Variants in PRAMEF2 observed in about 807,000 individuals in gnomAD.
PRAMEF2 encodes PRAME family member 2.
A neutral mutation model predicts 38.0 loss-of-function variants in PRAMEF2; 35 were observed. The ratio of observed to expected loss-of-function variants is 0.92; its 90% CI spans 0.70 to 1.22. The LOEUF (loss-of-function observed/expected upper bound fraction) is 1.22, where lower values mean the gene tolerates loss of function less well. Ranked by LOEUF, PRAMEF2 falls within the 50% of genes most tolerant of loss-of-function variation. The probability of loss-of-function intolerance (pLI) is 0.00; values close to 1 mark genes in which losing one functional copy is unlikely to be tolerated. For missense variants in PRAMEF2, 562 were observed against 553.9 expected (o/e 1.01, Z -0.15); for synonymous variants, 240 against 232.4 (o/e 1.03, Z -0.30).
At chr1:12,859,331 C>G (rs200051529) in intron 2 of PRAMEF2, 35 bp downstream of exon 2, 1 of 1,594,228 alleles carries the variant, frequency 6.3e-7, no homozygotes, top group Non-Finnish European at 8.6e-7. Context: ...AGATAGGGCT[C>G]AGGTGTCCAG....
intron 1 of PRAMEF2, among the ~76,000 whole-genome samples, chr1:12,857,812 C>T (rs1010612529): frequency 6.9e-6 from 1 of 145,754 alleles, no homozygotes; most frequent in Non-Finnish European, 1.5e-5. Flanking sequence ...GATTCTCCTG[C>T]TTCAGCCTCC....
At position 12,861,397 on chromosome 1, in the gene PRAMEF2, C is replaced by A. The variant is rs150748226; in HGVS notation, c.1043C>A (p.Ala348Asp). ...EPLGALLEKIAASLETLVLEG... is the reference protein window; with the variant it reads ...EPLGALLEKIDASLETLVLEG... ...CTAGGAGCTCTGCTAGAGAAAATTG[C>A]TGCCTCTCTCGAGACCCTCGTGTTA... is the stretch of plus-strand genomic sequence containing the variant. The change falls in exon 4 of 4, where the codon GCT becomes GAT. Residue 348 changes from alanine (A) to aspartate (D), a missense_variant. By Grantham distance (126) the Ala-to-Asp change is moderately radical (BLOSUM62 -2). Coordinates refer to ENST00000240189, the MANE Select transcript of PRAMEF2 (RefSeq NM_023014.1). 1 of 1,603,318 alleles carries A rather than the reference C, an allele frequency of 6.2e-7. No homozygotes were observed. Among genetic ancestry groups the A allele is most frequent in the Non-Finnish European group, 8.5e-7 (1 of 1,174,590 alleles).
At chr1:12,858,836 T>C (rs1210265388) in intron 1 of PRAMEF2, 149 bp from the exon 2 acceptor site, 1 of 901,490 alleles carries the variant, frequency 1.1e-6, no homozygotes, top group Non-Finnish European at 1.7e-6. Flanking sequence ...GAAGCAGAAG[T>C]ATAGATTTGA....
intron 3 of PRAMEF2, 138 bp downstream of exon 3, chr1:12,860,409 T>A (rs1329691447): frequency 6.7e-7 from 1 of 1,499,410 alleles, no homozygotes; most frequent in Non-Finnish European, 9.0e-7. Flanking sequence ...CAACACATTG[T>A]CCCATTCAGT....
intron 1 of PRAMEF2, 107 bp downstream of exon 1, chr1:12,857,254 G>C (rs1183438204): frequency 6.7e-6 from 1 of 149,094 alleles, no homozygotes; most frequent in East Asian, 2.0e-4. Flanking sequence ...TGTCTGTTTT[G>C]TGAGATGAAC....
At position 12,861,257 on chromosome 1, in the gene PRAMEF2, T is replaced by C. The variant is rs141454294; in HGVS notation, c.903T>C (p.Thr301=). The change falls in exon 4 of 4, where the codon ACT becomes ACC. Residue 301 remains threonine (T), a synonymous_variant. Coordinates refer to ENST00000240189, the MANE Select transcript of PRAMEF2 (RefSeq NM_023014.1). ...ACCCCTTGGAGAACTTGGAATTAAC[T>C]TGTGGCAACCTATTAGAAGAGGACT... The part of the protein sequence containing the change: ...LQNPLENLEL[T]CGNLLEEDLK... 34 of 1,607,846 alleles carry C rather than the reference T, an allele frequency of 2.1e-5. 1 individual carries two copies. Among genetic ancestry groups the C allele is most frequent in the East Asian group, 1.3e-4 (6 of 44,766 alleles).
chr1:12,859,822 A>T lies in PRAMEF2; in HGVS notation c.417A>T (p.Pro139=), dbSNP rs374841409. The T allele has an allele frequency of 1.0e-5, 16 of 1,607,496 alleles. No individual in the cohort carries two copies. The highest frequency in any genetic ancestry group is 1.4e-5 in the Non-Finnish European group (16 of 1,177,938). ...AGAGGCAGACAGCAGAGGACTGTCC[A>T]AGGACGGGAGAGCACCAGCCCTTAA... ...MSKRQTAEDC[P]RTGEHQPLKV... The change falls in exon 3 of 4, where the codon CCA becomes CCT. Residue 139 remains proline (P), a synonymous_variant. Coordinates refer to ENST00000240189, the MANE Select transcript of PRAMEF2 (RefSeq NM_023014.1).
At position 12,861,642 on chromosome 1, in the gene PRAMEF2, T is replaced by C. The variant is rs377335848; in HGVS notation, c.1288T>C (p.Phe430Leu). The C allele has an allele frequency of 1.1e-4, 172 of 1,600,238 alleles. 9 individuals are homozygous for C. Among genetic ancestry groups the C allele is most frequent in the Non-Finnish European group, 1.4e-4 (166 of 1,174,186 alleles). The change falls in exon 4 of 4, where the codon TTC becomes CTC. Residue 430 changes from phenylalanine (F) to leucine (L), a missense_variant. Physicochemically the swap from Phe to Leu is conservative, Grantham distance 22. This residue lies in a region of PRAMEF2 where 76 missense variants were observed against 109.6 expected (regional missense o/e 0.69). Transcript: ENST00000240189. ...CTTGGTTCGTGTCAATTGGGAGATCTTCACCCCACTTCGGGCTGAGCTGAT... is the reference window on the plus strand; with the variant it reads ...CTTGGTTCGTGTCAATTGGGAGATCCTCACCCCACTTCGGGCTGAGCTGAT... Reference protein sequence around the residue: ...NSLVRVNWEIFTPLRAELMCT... With the variant: ...NSLVRVNWEILTPLRAELMCT...
chr1:12,859,517 G>C lies in PRAMEF2; in HGVS notation c.288-176G>C, dbSNP rs1414099230. ...GAAGCCGGCCTTTACTCAGTGGAAGGTAAAGGGAATAGAAGTGGGGACCAC... is the reference window on the plus strand; with the variant it reads ...GAAGCCGGCCTTTACTCAGTGGAAGCTAAAGGGAATAGAAGTGGGGACCAC... On this transcript the variant is annotated intron_variant, in intron 2 of 3. Transcript: ENST00000240189. Among the ~76,000 whole-genome samples, 7 of 151,164 alleles carry C rather than the reference G, an allele frequency of 4.6e-5. 1 individual carries two copies. The highest frequency in any genetic ancestry group is 1.3e-4 in the Admixed American group (2 of 14,824).
chr1:12,860,391 C>A lies in PRAMEF2; in HGVS notation c.866+120C>A. 4 of 1,519,290 alleles carry A rather than the reference C, an allele frequency of 2.6e-6. 1 individual carries two copies. The highest frequency in any genetic ancestry group is 3.6e-6 in the Non-Finnish European group (4 of 1,121,780). The allele number at this position is 1,519,290 out of a possible 1,614,324, so 94.1% of individuals were successfully genotyped here. The stretch of plus-strand genomic sequence containing the variant: ...GGCAACGTCACAGTGAAGGGAACAC[C>A]AGAATGTCAACACATTGTCCCATTC... On this transcript the variant is annotated intron_variant, in intron 3 of 3. Coordinates refer to ENST00000240189, the MANE Select transcript of PRAMEF2 (RefSeq NM_023014.1).
At position 12,859,268 on chromosome 1, in the gene PRAMEF2, A is replaced by G; in HGVS notation, c.259A>G (p.Met87Val). ...PLKALLEGLH[M>V]LLTQKDRPRR... is the part of the protein sequence containing the mutation. ...GAAAGCATTGCTGGAAGGGCTTCAT[A>G]TGCTGCTTACACAGAAGGATCGCCC... The change falls in exon 2 of 4, where the codon ATG becomes GTG. Residue 87 changes from methionine to valine, a missense_variant. Transcript: ENST00000240189. The G allele has an allele frequency of 6.2e-7, 1 of 1,610,336 alleles. No homozygotes were observed.
At position 12,861,469 on chromosome 1, in the gene PRAMEF2, G is replaced by T. The variant is rs397839875; in HGVS notation, c.1115G>T (p.Gly372Val). 6 of 1,605,720 alleles carry T rather than the reference G, an allele frequency of 3.7e-6. No homozygotes were observed. The East Asian group carries it at 1.3e-4, about 36-fold the overall frequency. The change falls in exon 4 of 4, where the codon GGC (glycine) becomes GTC (valine). Residue 372 changes from glycine to valine, a missense_variant. Transcript: ENST00000240189. The part of the protein sequence containing the change: ...HYSQLSAILP[G>V]LSCCSQLTTF... ...TCCCAACTCAGTGCCATCCTGCCTGGCCTGAGCTGCTGCTCCCAGCTCACC... is the reference window on the plus strand; with the variant it reads ...TCCCAACTCAGTGCCATCCTGCCTGTCCTGAGCTGCTGCTCCCAGCTCACC...
chr1:12,861,641 C>G lies in PRAMEF2; in HGVS notation c.1287C>G (p.Ile429Met), dbSNP rs761456993. 2 of 1,600,332 alleles carry G rather than the reference C, an allele frequency of 1.2e-6. No homozygotes were observed. Among genetic ancestry groups the G allele is most frequent in the Non-Finnish European group, 1.7e-6 (2 of 1,174,246 alleles). ...LNSLVRVNWE[I>M]FTPLRAELMC... ...CCTTGGTTCGTGTCAATTGGGAGAT[C>G]TTCACCCCACTTCGGGCTGAGCTGA... is the stretch of plus-strand genomic sequence containing the variant. Residue 429 changes from isoleucine to methionine, a missense_variant, in exon 4 of 4, where the codon ATC (isoleucine) becomes ATG (methionine). Around this residue, in one of 2 missense-constraint regions of PRAMEF2, gnomAD observed 76 missense variants for 109.6 expected, o/e 0.69. Transcript: ENST00000240189.
In PRAMEF2 at chr1:12,860,159, G is replaced by C. The variant is rs3204808; in HGVS notation, c.754G>C (p.Glu252Gln). Reference sequence around the variant, plus strand: ...TCATTACACGTCAGATAATGAACTCGAGGGATGGTTAGTCACCAGATTCAC... The same window carrying C: ...TCATTACACGTCAGATAATGAACTCCAGGGATGGTTAGTCACCAGATTCAC... ...CHHYTSDNEL[E>Q]GWLVTRFTSV... is the part of the protein sequence containing the mutation. Residue 252 changes from glutamate (E) to glutamine (Q), a missense_variant, in exon 3 of 4, where the codon GAG (glutamate) becomes CAG (glutamine). Transcript: ENST00000240189. The C allele has an allele frequency of 8.8e-5, 142 of 1,606,818 alleles. 9 individuals carry two copies. Among genetic ancestry groups the C allele is most frequent in the Middle Eastern group, 6.6e-4 (4 of 6,048 alleles).
Position 12,860,126 on chromosome 1 carries a change from A to G in PRAMEF2, c.721A>G (p.Arg241Gly). The part of the protein sequence containing the change: ...MKTLCKLVFS[R>G]CHHYTSDNEL... ...GACTCTTTGCAAACTCGTTTTCTCCAGGTGCCATCATTACACGTCAGATAA... is the reference window on the plus strand; with the variant it reads ...GACTCTTTGCAAACTCGTTTTCTCCGGGTGCCATCATTACACGTCAGATAA... Residue 241 changes from arginine (R) to glycine (G), a missense_variant, in exon 3 of 4, where the codon AGG (arginine) becomes GGG (glycine). By Grantham distance (125) the Arg-to-Gly change is moderately radical. Transcript: ENST00000240189. The G allele has an allele frequency of 6.2e-7, 1 of 1,606,804 alleles. No individual in the cohort carries two copies. Among genetic ancestry groups the G allele is most frequent in the Non-Finnish European group, 8.5e-7 (1 of 1,176,514 alleles).
intron 2 of PRAMEF2, 88 bp downstream of exon 2, chr1:12,859,384 G>A (rs771952293): frequency 6.3e-7 from 1 of 1,594,064 alleles, no homozygotes; most frequent in Non-Finnish European, 8.5e-7. Flanking sequence ...CCCAAGTGCG[G>A]CCCAGAGTCT....
chr1:12,860,210 C>T lies in PRAMEF2; in HGVS notation c.805C>T (p.Leu269Phe), dbSNP rs1274009868. 1.2e-6 allele frequency: 2 copies of T among 1,606,842 alleles called. No individual in the cohort carries two copies. The highest frequency in any genetic ancestry group is 2.7e-5 in the African/African-American group (2 of 74,260). Residue 269 changes from leucine to phenylalanine, a missense_variant, in exon 3 of 4, where the codon CTC (leucine) becomes TTC (phenylalanine). Physicochemically the swap from Leu to Phe is conservative, Grantham distance 22. This residue lies in a region of PRAMEF2 where 486 missense variants were observed against 444.2 expected (regional missense o/e 1.09). Transcript: ENST00000240189. ...CTCTGTGTTCCTCAGGCTGGAACAC[C>T]TCCAGTTGCTTAAAATAAAATTGAT... ...FTSVFLRLEH[L>F]QLLKIKLITF... is the part of the protein sequence containing the mutation.
In PRAMEF2 at chr1:12,859,000, A is replaced by G; in HGVS notation, c.-10A>G. 1 of 1,597,260 alleles carries G rather than the reference A, an allele frequency of 6.3e-7. No individual in the cohort carries two copies. The highest frequency in any genetic ancestry group is 2.2e-5 in the East Asian group (1 of 44,684). ...TGTCTTCTAGAGATTTTTCTTGCAG[A>G]TCCATCAGGATGAGCATCCAGGCCC... On this transcript the variant is annotated 5_prime_UTR_variant, in exon 2 of 4. Coordinates refer to ENST00000240189, the MANE Select transcript of PRAMEF2 (RefSeq NM_023014.1).
At chr1:12,860,779 A>T (rs1640534473) in intron 3 of PRAMEF2, among the ~76,000 whole-genome samples, 1 of 149,972 alleles carries the variant, frequency 6.7e-6, no homozygotes, top group Admixed American at 6.8e-5. Flanking sequence ...TGCTTCCGGG[A>T]TGGAGGTGAG....
Sources: allele counts gnomAD v4.1 joint callset (sites outside exome capture counted in the v4.1 genomes callset), GRCh38; gene constraint gnomAD v4.1.1; regional missense constraint gnomAD v4.1.1; transcripts MANE v1.5; gene names NCBI Gene and HGNC (gene_info 2026-07-23, HGNC 2026-07-21).